LNPEP: variants seen among roughly 807,000 people sequenced by gnomAD.
The protein encoded by LNPEP is leucyl-cystinyl aminopeptidase.
In LNPEP, 64 loss-of-function variants were observed where a neutral mutation model predicts 120.6. That is an observed-to-expected ratio of 0.53 (90% CI 0.43 to 0.65). The LOEUF (loss-of-function observed/expected upper bound fraction) is 0.65, where lower values mean the gene tolerates loss of function less well. LNPEP is among the 30% of genes least tolerant of loss of function. LNPEP has a pLI of 0.00. For missense variants in LNPEP, 1,057 were observed against 1,200.0 expected, an observed-to-expected ratio of 0.88 and a Z score of 1.76; for synonymous variants, 435 against 425.4, an observed-to-expected ratio of 1.02 and a Z score of -0.28.
At chr5:97,013,442 A>G (rs1790987600) in intron 11 of LNPEP, among the ~76,000 whole-genome samples, 1 of 152,232 alleles carries the variant, frequency 6.6e-6, no homozygotes, top group South Asian at 2.1e-4. Context: ...CCTAGCTTAC[A>G]GCCAATATTG....
chr5:96,944,096 G>A (rs986400765), intron 1 of LNPEP, among the ~76,000 whole-genome samples: 1 of 152,200 alleles, frequency 6.6e-6, no homozygotes, highest in Non-Finnish European at 1.5e-5. Flanking sequence ...GCATTTCCCG[G>A]ACAACTGACT....
In LNPEP at chr5:97,026,589, T is replaced by C; in HGVS notation, c.2724-28T>C. 2.5e-6 allele frequency: 4 copies of C among 1,583,914 alleles called. No homozygotes were observed. The South Asian group carries it at 4.5e-5, about 18-fold the overall frequency. On this transcript the variant is annotated intron_variant, in intron 15 of 17. Coordinates refer to ENST00000231368, the MANE Select transcript of LNPEP (RefSeq NM_005575.3). The stretch of plus-strand genomic sequence containing the variant: ...ATCACTTCTTCATGAATAATAATTT[T>C]GGAGGCTAAATCTGCTTTGCTCTTC...
chr5:97,033,769 G>A lies in LNPEP; in HGVS notation c.*5236G>A, dbSNP rs1156999441. 6.6e-6 allele frequency: 1 copy of A among 152,034 alleles called. No individual in the cohort carries two copies. Among genetic ancestry groups the A allele is most frequent in the African/African-American group, 2.4e-5 (1 of 41,394 alleles). The allele number at this position is 152,034 out of a possible 1,614,324, so 9.4% of individuals were successfully genotyped here. ...TGTTGGGGTATATACTTTTGTATATGTATGTACATATTTTTATTTCTTTAT... is the reference window on the plus strand; with the variant it reads ...TGTTGGGGTATATACTTTTGTATATATATGTACATATTTTTATTTCTTTAT... On this transcript the variant is annotated 3_prime_UTR_variant, in exon 18 of 18. Transcript: ENST00000231368.
At chr5:97,001,100 A>G (rs2112638730) in intron 8 of LNPEP, among the ~76,000 whole-genome samples, 1 of 152,322 alleles carries the variant, frequency 6.6e-6, no homozygotes, top group East Asian at 1.9e-4. Context: ...GTACCGTGAT[A>G]TGGCTTATTT....
At chr5:96,975,044 C>T (rs2112600015) in intron 1 of LNPEP, among the ~76,000 whole-genome samples, 1 of 152,230 alleles carries the variant, frequency 6.6e-6, no homozygotes, top group East Asian at 1.9e-4. Context: ...CTCTCTTGAG[C>T]TCTAAACCCA....
Position 97,028,425 on chromosome 5 carries a change from G to A in LNPEP, c.2970G>A (p.Gln990=), listed in dbSNP as rs777429277. Residue 990 remains glutamine, a synonymous_variant, in exon 18 of 18, where the codon CAG becomes CAA. Transcript: ENST00000231368. ...LSEVQAFFEN[Q]SEATFRLRCV... ...AGGTTCAGGCATTCTTTGAAAATCA[G>A]TCAGAGGCAACCTTCCGGCTTCGTT... The A allele has an allele frequency of 4.3e-6, 7 of 1,613,842 alleles. No individual in the cohort carries two copies. Among genetic ancestry groups the A allele is most frequent in the Non-Finnish European group, 5.1e-6 (6 of 1,179,872 alleles).
intron 2 of LNPEP, among the ~76,000 whole-genome samples, chr5:96,981,281 G>T (rs1790117816): frequency 1.3e-5 from 2 of 152,160 alleles, no homozygotes; most frequent in East Asian, 3.9e-4. Context: ...ATCTTGAAAG[G>T]TATAAATAAT....
chr5:96,992,658 G>A (rs972690561), intron 4 of LNPEP, among the ~76,000 whole-genome samples: 1 of 151,980 alleles, frequency 6.6e-6, no homozygotes. Flanking sequence ...GTAAGGAAGG[G>A]CAGCTACAGG....
At chr5:96,996,863 T>C (rs905595698) in intron 7 of LNPEP, among the ~76,000 whole-genome samples, 1 of 152,122 alleles carries the variant, frequency 6.6e-6, no homozygotes, top group Non-Finnish European at 1.5e-5. Context: ...GTGTAAAATT[T>C]AAACTTTTTT....
chr5:96,952,848 C>T (rs1561429081), intron 1 of LNPEP, among the ~76,000 whole-genome samples: 1 of 152,098 alleles, frequency 6.6e-6, no homozygotes, highest in Non-Finnish European at 1.5e-5. Context: ...ATCTCTTAGA[C>T]TAATCTTAGT....
At chr5:96,967,235 T>C (rs141644294) in intron 1 of LNPEP, among the ~76,000 whole-genome samples, 89 of 152,264 alleles carry the variant, frequency 5.8e-4, no homozygotes, top group African/African-American at 1.9e-3. Flanking sequence ...GCCATGTTCA[T>C]GTACTATACT....
In LNPEP at chr5:96,993,884, G is replaced by A; in HGVS notation, c.1320G>A (p.Glu440=). The change falls in exon 6 of 18, where the codon GAG becomes GAA. Residue 440 remains glutamate (E), a synonymous_variant. Transcript: ENST00000231368. The part of the protein sequence containing the change: ...MENWGLLTFR[E]ETLLYDSNTS... ...ATTGGGGTTTGCTCACCTTCCGAGA[G>A]GAGACACTTCTGTATGACAGTAACA... 2 of 1,613,872 alleles carry A rather than the reference G, an allele frequency of 1.2e-6. No homozygotes were observed. The highest frequency in any genetic ancestry group is 1.3e-5 in the African/African-American group (1 of 75,022).
At chr5:96,997,453 G>A (rs889971448) in intron 7 of LNPEP, among the ~76,000 whole-genome samples, 1 of 152,042 alleles carries the variant, frequency 6.6e-6, no homozygotes, top group Non-Finnish European at 1.5e-5. Context: ...TGACCACTTG[G>A]TGGTGCCCAG....
intron 1 of LNPEP, among the ~76,000 whole-genome samples, chr5:96,964,055 C>G (rs1789667937): frequency 6.6e-6 from 1 of 152,010 alleles, no homozygotes; most frequent in South Asian, 2.1e-4. Flanking sequence ...CCCTTGTCCC[C>G]TCCCCAGTCT....
intron 1 of LNPEP, among the ~76,000 whole-genome samples, chr5:96,971,466 T>C (rs1012155009): frequency 5.3e-5 from 8 of 151,768 alleles, no homozygotes; most frequent in African/African-American, 1.9e-4. Flanking sequence ...TTTTAACTAT[T>C]ATTTCTTCAG....
Position 97,003,399 on chromosome 5 carries a change from CTT to C in LNPEP, c.1654-7_1654-6del, listed in dbSNP as rs531968447. On this transcript the variant is annotated splice_polypyrimidine_tract_variant and intron_variant, in intron 8 of 17. Coordinates refer to ENST00000231368, the MANE Select transcript of LNPEP (RefSeq NM_005575.3). ...CTATTATTTTCTTTCTTTTTCCTCA[CTT>C]TTTTTTTTAATAGGGATCTTCTCTC... 1 of 362,234 alleles carries C rather than the reference CTT, an allele frequency of 2.8e-6. No individual in the cohort carries two copies. 22.4% of individuals were successfully genotyped at this position (362,234 alleles called of 1,614,324 possible). A position where few individuals can be genotyped will look rare whatever the true frequency, so the allele number is the denominator to read the frequency against.
chr5:96,989,292 TTATA>T (rs1331886635), intron 4 of LNPEP, among the ~76,000 whole-genome samples: 2 of 99,606 alleles, frequency 2.0e-5, no homozygotes, highest in African/African-American at 7.7e-5. Context: ...AATATATAAT[TTATA>T]TATAATATAT....
chr5:96,969,684 AT>A (rs996252344), intron 1 of LNPEP, among the ~76,000 whole-genome samples: 2 of 151,130 alleles, frequency 1.3e-5, no homozygotes, highest in Non-Finnish European at 3.0e-5. Flanking sequence ...CTCTAGCAGC[AT>A]TTTTTGCATT....
chr5:97,007,431 T>A (rs189610152), intron 11 of LNPEP, among the ~76,000 whole-genome samples: 1 of 152,330 alleles, frequency 6.6e-6, no homozygotes, highest in Admixed American at 6.5e-5. Flanking sequence ...TATGTAGTTG[T>A]GGTGAGGATT....
Sources: allele counts gnomAD v4.1 joint callset (sites outside exome capture counted in the v4.1 genomes callset), GRCh38; gene constraint gnomAD v4.1.1; transcripts MANE v1.5; gene names NCBI Gene and HGNC (gene_info 2026-07-23, HGNC 2026-07-21).